KATNIP: variants seen among roughly 807,000 people sequenced by gnomAD.
KATNIP encodes the protein katanin-interacting protein.
KATNIP carries 126 observed loss-of-function variants against 174.0 expected under a neutral mutation model. The observed-to-expected ratio is 0.72, with a 90% confidence interval of 0.63 to 0.84. The LOEUF is 0.84. Among genes scored for constraint, KATNIP ranks in the 40% least tolerant of loss-of-function variants. The pLI, the probability that KATNIP is intolerant of heterozygous loss-of-function variation, is 0.00. For synonymous variants in KATNIP, 810 were observed against 835.7 expected, an observed-to-expected ratio of 0.97 and a Z score of 0.53; for missense variants, 1,958 against 2,109.7, an observed-to-expected ratio of 0.93 and a Z score of 1.41.
chr16:27,661,927 T>C (rs868144859), intron 6 of KATNIP, among the ~76,000 whole-genome samples: 139 of 54,966 alleles, frequency 2.5e-3, no homozygotes, highest in Non-Finnish European at 3.5e-3. Flanking sequence ...TATATATATA[T>C]ATATATATAT....
intron 11 of KATNIP, among the ~76,000 whole-genome samples, chr16:27,702,811 C>T (rs1165156031): frequency 6.6e-6 from 1 of 152,160 alleles, no homozygotes; most frequent in East Asian, 1.9e-4. Flanking sequence ...TCTCCAGGCC[C>T]CAGGTGGAAA....
chr16:27,693,763 C>T (rs1374311380), intron 8 of KATNIP, among the ~76,000 whole-genome samples: 1 of 152,236 alleles, frequency 6.6e-6, no homozygotes, highest in Non-Finnish European at 1.5e-5. Flanking sequence ...TGACCCTTCT[C>T]AGGGAGCAGC....
At chr16:27,738,834 G>C (rs138725644) in intron 14 of KATNIP, among the ~76,000 whole-genome samples, 26 of 152,296 alleles carry the variant, frequency 1.7e-4, no homozygotes, top group Non-Finnish European at 3.7e-4. Flanking sequence ...ACAGTGCCCT[G>C]CCTCAGGTGC....
chr16:27,628,550 C>T (rs2076395708), intron 3 of KATNIP, 111 bp from the exon 4 acceptor site: 2 of 1,176,634 alleles, frequency 1.7e-6, no homozygotes, highest in Non-Finnish European at 2.5e-6. Context: ...GCCCCCTGGG[C>T]TCTGATTAGA....
intron 15 of KATNIP, among the ~76,000 whole-genome samples, chr16:27,741,441 GA>G (rs1178773836): frequency 1.3e-5 from 2 of 150,476 alleles, no homozygotes; most frequent in East Asian, 2.0e-4. Context: ...CTGTCTCAAA[GA>G]AAAAAAAGAA....
chr16:27,604,239 C>T (rs2075629857), intron 2 of KATNIP, among the ~76,000 whole-genome samples: 1 of 152,176 alleles, frequency 6.6e-6, no homozygotes, highest in Non-Finnish European at 1.5e-5. Flanking sequence ...GCTGGGACTA[C>T]AGGCACATGC....
chr16:27,721,730 G>A lies in KATNIP; in HGVS notation c.1743+35G>A. The A allele has an allele frequency of 3.1e-6, 5 of 1,605,684 alleles. No homozygotes were observed. The South Asian group carries it at 4.4e-5, about 14-fold the overall frequency. The stretch of plus-strand genomic sequence containing the variant: ...AGGCGCTGGTTCCCCACTGGGCACT[G>A]GGTTGATGGAAGCACTTAGCAGTTT... On this transcript the variant is annotated intron_variant, in intron 14 of 27. Transcript: ENST00000261588.
Position 27,751,868 on chromosome 16 carries a change from G to A in KATNIP, c.3496G>A (p.Asp1166Asn), listed in dbSNP as rs185801522. The A allele has an allele frequency of 1.7e-4, 270 of 1,613,754 alleles. No individual in the cohort carries two copies. Among genetic ancestry groups the A allele is most frequent in the East Asian group, 1.5e-3 (66 of 44,880 alleles). Residue 1166 changes from aspartate (D) to asparagine (N), a missense_variant, in exon 17 of 28, where the codon GAC (aspartate) becomes AAC (asparagine). Transcript: ENST00000261588. ...GGCAATGAGGAGGCCCAGCACGGCC[G>A]ACGGCGAGGGGGATGAGCGGCCCTT... ...EEAMRRPSTA[D>N]GEGDERPFTQ...
At chr16:27,560,850 A>G (rs913645125) in intron 1 of KATNIP, among the ~76,000 whole-genome samples, 2 of 152,104 alleles carry the variant, frequency 1.3e-5, no homozygotes, top group Admixed American at 6.6e-5. Context: ...GGCAGATCCC[A>G]TGAGTGTTTG....
At chr16:27,677,267 GCCTTTGGGAGTTCATATT>G (rs1405135491) in intron 6 of KATNIP, among the ~76,000 whole-genome samples, 5 of 152,098 alleles carry the variant, frequency 3.3e-5, no homozygotes, top group African/African-American at 1.2e-4. Flanking sequence ...TCATTTGGAG[GCCTTTGGGAGTTCATATT>G]TCAAAGTGTG....
At chr16:27,653,547 T>C (rs1460373765) in intron 6 of KATNIP, among the ~76,000 whole-genome samples, 3 of 152,112 alleles carry the variant, frequency 2.0e-5, no homozygotes, top group Admixed American at 6.6e-5. Context: ...CAGTTCCTGC[T>C]GTTTGGGGTT....
At chr16:27,618,571 C>T in intron 3 of KATNIP, 70 bp downstream of exon 3, 1 of 1,120,508 alleles carries the variant, frequency 8.9e-7, no homozygotes, top group Non-Finnish European at 1.4e-6. Context: ...TTATTAACAG[C>T]AGGCAGGCCC....
intron 2 of KATNIP, among the ~76,000 whole-genome samples, chr16:27,605,618 T>G (rs2141975226): frequency 6.6e-6 from 1 of 152,274 alleles, no homozygotes; most frequent in African/African-American, 2.4e-5. Flanking sequence ...GCGCGTAGGA[T>G]GTAATATTTT....
At chr16:27,646,041 G>A (rs1161702089) in intron 5 of KATNIP, among the ~76,000 whole-genome samples, 2 of 152,210 alleles carry the variant, frequency 1.3e-5, no homozygotes, top group Non-Finnish European at 2.9e-5. Context: ...TGGGAAAATG[G>A]CATTCAGATT....
intron 8 of KATNIP, among the ~76,000 whole-genome samples, chr16:27,682,894 G>A (rs963214443): frequency 6.6e-6 from 1 of 152,092 alleles, no homozygotes; most frequent in African/African-American, 2.4e-5. Context: ...TTTATAGGAA[G>A]AAGAAGAGAG....
At chr16:27,633,452 T>A (rs1014499506) in intron 5 of KATNIP, among the ~76,000 whole-genome samples, 3 of 149,614 alleles carry the variant, frequency 2.0e-5, no homozygotes, top group Non-Finnish European at 4.4e-5. Context: ...TATTTATTTT[T>A]ATATATTTTT....
rs1231171554 is a variant in KATNIP, at chr16:27,637,859, C to T, written c.408+6697C>T. Among the ~76,000 whole-genome samples, 1 of 152,176 alleles carries T rather than the reference C, an allele frequency of 6.6e-6. No homozygotes were observed. Among genetic ancestry groups the T allele is most frequent in the Admixed American group, 6.5e-5 (1 of 15,286 alleles). Reference sequence around the variant, plus strand: ...GGTTCATATTTTGGGTTCATGTGTGCAGAAAGGACCGCCCATGGGAGCAAG... The same window carrying T: ...GGTTCATATTTTGGGTTCATGTGTGTAGAAAGGACCGCCCATGGGAGCAAG... On this transcript the variant is annotated intron_variant, in intron 5 of 27. Coordinates refer to ENST00000261588, the MANE Select transcript of KATNIP (RefSeq NM_015202.5). This position sits in a 1 kb window ranked among gnomAD's most constrained non-coding sequence, Gnocchi z 4.7.
intron 8 of KATNIP, among the ~76,000 whole-genome samples, chr16:27,687,870 C>T (rs1168523574): frequency 6.6e-6 from 1 of 152,156 alleles, no homozygotes; most frequent in Non-Finnish European, 1.5e-5. Context: ...ACAGCAAGAC[C>T]ATTCTGCCAA....
intron 15 of KATNIP, among the ~76,000 whole-genome samples, chr16:27,747,899 G>T (rs1204847039): frequency 3.3e-5 from 5 of 152,322 alleles, no homozygotes; most frequent in African/African-American, 9.6e-5. Flanking sequence ...ATGCATGTCT[G>T]CAGGCAAAGA....
Sources: gnomAD v4.1 joint callset for allele counts (sites outside exome capture counted in the v4.1 genomes callset) on GRCh38, gnomAD v4.1.1 for gene constraint, Gnocchi (gnomAD v3.1) non-coding constraint, MANE v1.5 for transcripts, NCBI Gene and HGNC (gene_info 2026-07-23, HGNC 2026-07-21) for gene names.